Variants in FAM20A observed in about 807,000 individuals in gnomAD.
FAM20A encodes FAM20A golgi associated secretory pathway pseudokinase, also known as pseudokinase FAM20A.
In FAM20A, 42 loss-of-function variants were observed where a neutral mutation model predicts 52.0. The observed-to-expected ratio is 0.81, with a 90% CI of 0.63 to 1.04. The LOEUF (loss-of-function observed/expected upper bound fraction) is 1.04, where lower values mean the gene tolerates loss of function less well. Ranked by LOEUF, FAM20A falls within the 50% of genes least tolerant of loss-of-function variation. FAM20A has a pLI of 0.00. For missense variants in FAM20A, 742 were observed against 712.7 expected (o/e 1.04, Z -0.47); for synonymous variants, 304 against 298.9 (o/e 1.02, Z -0.18).
At chr17:68,561,845 CAG>C (rs1444768403) in intron 1 of FAM20A, among the ~76,000 whole-genome samples, 11 of 151,988 alleles carry the variant, frequency 7.2e-5, no homozygotes, top group Non-Finnish European at 1.3e-4. Flanking sequence ...TTTTTTGAGA[CAG>C]AGTCTCCCTC....
At chr17:68,581,374 C>CTT (rs1176766969) in intron 1 of FAM20A, among the ~76,000 whole-genome samples, 1 of 141,916 alleles carries the variant, frequency 7.0e-6, no homozygotes, top group Non-Finnish European at 1.5e-5. Context: ...TTCTTTCTTT[C>CTT]TTTCTTTCTT....
chr17:68,582,389 C>A (rs1317840556), intron 1 of FAM20A: 1 of 152,226 alleles, frequency 6.6e-6, no homozygotes, highest in African/African-American at 2.4e-5. Flanking sequence ...TCGCTAGAAG[C>A]ATGAGAGGCA....
rs549811526 is a variant in FAM20A, at chr17:68,555,533, C to G, written c.589+26G>C. On this transcript the variant is annotated intron_variant, in intron 2 of 10. Transcript: ENST00000592554. ...GACTCTCTGGGAGAAAGTCAGTCCC[C>G]CCTTGCTTGATCCCATGAACCTTAC... 2.9e-5 allele frequency: 47 copies of G among 1,611,640 alleles called. No homozygotes were observed. The Admixed American group carries it at 6.0e-4, about 21-fold the overall frequency.
rs948308864 is a variant in FAM20A at position 68,536,734 on chromosome 17, C to T, written c.*743G>A. 1.8e-5 allele frequency: 8 copies of T among 452,562 alleles called. No individual in the cohort carries two copies. The East Asian group carries it at 4.9e-4, about 28-fold the overall frequency. 28.0% of individuals were successfully genotyped at this position (452,562 alleles called of 1,614,324 possible). On this transcript the variant is annotated 3_prime_UTR_variant, in exon 11 of 11. Coordinates refer to ENST00000592554, the MANE Select transcript of FAM20A (RefSeq NM_017565.4). ...GCCATCCTGACCTTGGAGGACTTTCCTTTTTTTTTCCTTCGTTGTAATTAT... is the reference window on the plus strand; with the variant it reads ...GCCATCCTGACCTTGGAGGACTTTCTTTTTTTTTTCCTTCGTTGTAATTAT...
At chr17:68,567,101 T>G (rs2087397492) in intron 1 of FAM20A, among the ~76,000 whole-genome samples, 1 of 151,682 alleles carries the variant, frequency 6.6e-6, no homozygotes, top group African/African-American at 2.4e-5. Flanking sequence ...ATAAATTTTT[T>G]CTTCCAGCTC....
At chr17:68,553,793 C>T (rs1164757805) in intron 3 of FAM20A, among the ~76,000 whole-genome samples, 2 of 103,610 alleles carry the variant, frequency 1.9e-5, no homozygotes, top group Non-Finnish European at 4.3e-5. Flanking sequence ...CATGTATACA[C>T]ATACATATAT....
intron 8 of FAM20A, among the ~76,000 whole-genome samples, chr17:68,540,322 G>A (rs1414411200): frequency 1.3e-5 from 2 of 152,178 alleles, no homozygotes; most frequent in Non-Finnish European, 2.9e-5. Flanking sequence ...AGCTGATCCT[G>A]GTTATAGTAA....
In FAM20A at chr17:68,590,752, C is replaced by T. The variant is rs2088280935; in HGVS notation, c.404+9511G>A. Among the ~76,000 whole-genome samples the T allele has an allele frequency of 7.2e-5, 11 of 152,286 alleles. No homozygotes were observed. In the South Asian group the frequency reaches 1.0e-3, roughly 14 times the overall value. ...ACCATGTTAGTCACTAAAGCCCCTC[C>T]ACCACCCTGTCAGTCTGCATTTCCA... is the stretch of plus-strand genomic sequence containing the variant. On this transcript the variant is annotated intron_variant, in intron 1 of 10. Coordinates refer to ENST00000592554, the MANE Select transcript of FAM20A (RefSeq NM_017565.4).
At chr17:68,548,658 T>C (rs1379879351) in intron 4 of FAM20A, among the ~76,000 whole-genome samples, 2 of 151,950 alleles carry the variant, frequency 1.3e-5, no homozygotes, top group African/African-American at 4.8e-5. Flanking sequence ...GCCTTCACTT[T>C]GTAAAAAACC....
chr17:68,595,375 C>G (rs1310761226), intron 1 of FAM20A, among the ~76,000 whole-genome samples: 1 of 152,204 alleles, frequency 6.6e-6, no homozygotes, highest in Non-Finnish European at 1.5e-5. Context: ...GAGAAAAAAC[C>G]TGATAATGGC....
Position 68,543,797 on chromosome 17 carries a change from C to A in FAM20A, c.720-76G>T. Reference sequence around the variant, plus strand: ...CTGAGAAGAGAGCTGATGAGCATGACCAGCGAGAAAGGAAAACGGGCTTTT... The same window carrying A: ...CTGAGAAGAGAGCTGATGAGCATGAACAGCGAGAAAGGAAAACGGGCTTTT... On this transcript the variant is annotated intron_variant, in intron 4 of 10. Coordinates refer to ENST00000592554, the MANE Select transcript of FAM20A (RefSeq NM_017565.4). The A allele has an allele frequency of 1.5e-6, 2 of 1,293,220 alleles. 1 individual carries two copies. The highest frequency in any genetic ancestry group is 2.4e-5 in the South Asian group (2 of 84,592). The allele number at this position is 1,293,220 out of a possible 1,614,324, so 80.1% of individuals were successfully genotyped here.
At chr17:68,554,695 AG>A in intron 3 of FAM20A, 81 bp downstream of exon 3, 2 of 1,265,676 alleles carry the variant, frequency 1.6e-6, no homozygotes, top group East Asian at 5.8e-5. Context: ...CTCTTGCCCA[AG>A]GTCGCCACTG....
intron 1 of FAM20A, among the ~76,000 whole-genome samples, chr17:68,561,894 C>T (rs2087225075): frequency 6.6e-6 from 1 of 152,148 alleles, no homozygotes; most frequent in South Asian, 2.1e-4. Flanking sequence ...ATGATCTTGG[C>T]TCACTGCAAC....
Position 68,551,688 on chromosome 17 carries a change from A to AATT in FAM20A, c.719+182_719+184dup, listed in dbSNP as rs34824326. Among the ~76,000 whole-genome samples the AATT allele has an allele frequency of 0.27, 36,391 of 134,550 alleles. 5,024 individuals carry two copies. Among genetic ancestry groups the AATT allele is most frequent in the Admixed American group, 0.39 (5,338 of 13,598 alleles). The allele number at this position is 134,550 out of a possible 152,430, so 88.3% of individuals were successfully genotyped here. A position where few individuals can be genotyped will look rare whatever the true frequency, so the allele number is the denominator to read the frequency against. On this transcript the variant is annotated intron_variant, in intron 4 of 10. Transcript: ENST00000592554. Reference sequence around the variant, plus strand: ...AAAAAGACAAGCTCTTAGTATTTTCAATTATTATTATTATTATTATTATTA... The same window carrying AATT: ...AAAAAGACAAGCTCTTAGTATTTTCAATTATTATTATTATTATTATTATTATTA...
chr17:68,537,542 C>G lies in FAM20A; in HGVS notation c.1561G>C (p.Val521Leu). Residue 521 changes from valine to leucine, a missense_variant, in exon 11 of 11, where the codon GTC becomes CTC. Transcript: ENST00000592554. The surrounding 1 kb of genome is among the most constrained non-coding windows in gnomAD (Gnocchi z 4.2). ...GCIVAHGQQS[V>L]IVDGPVEQLA... ...TGTTCCACTGGGCCGTCGACTATGA[C>G]ACTCTGCTGTCCATGGGCCACTATG... 6.2e-7 allele frequency: 1 copy of G among 1,613,776 alleles called. No individual in the cohort carries two copies. Among genetic ancestry groups the G allele is most frequent in the Non-Finnish European group, 8.5e-7 (1 of 1,179,832 alleles).
intron 1 of FAM20A, among the ~76,000 whole-genome samples, chr17:68,578,472 A>G (rs2087836653): frequency 6.6e-6 from 1 of 152,210 alleles, no homozygotes; most frequent in Admixed American, 6.5e-5. Flanking sequence ...GAATGATAGC[A>G]AATGTTGGCC....
At chr17:68,591,801 G>C (rs1313644257) in intron 1 of FAM20A, 1 of 152,278 alleles carries the variant, frequency 6.6e-6, no homozygotes, top group South Asian at 2.1e-4. Context: ...GGCCTCTCCT[G>C]TTCCTGTGTG....
chr17:68,555,677 G>C lies in FAM20A; in HGVS notation c.471C>G (p.Leu157=). The C allele has an allele frequency of 6.2e-7, 1 of 1,613,874 alleles. No homozygotes were observed. The highest frequency in any genetic ancestry group is 8.5e-7 in the Non-Finnish European group (1 of 1,180,030). ...TSLDPPLQLR[L]EASWVQFHLG... ...GGTGGAACTGGACCCAGCTGGCCTC[G>C]AGTCGGAGCTGCAGTGGGGGGTCCA... The change falls in exon 2 of 11, where the codon CTC becomes CTG. Residue 157 remains leucine (L), a synonymous_variant. Transcript: ENST00000592554.
At position 68,561,823 on chromosome 17, in the gene FAM20A, C is replaced by A. The variant is rs562191796; in HGVS notation, c.405-6080G>T. Among the ~76,000 whole-genome samples the A allele has an allele frequency of 1.7e-4, 26 of 151,922 alleles. 1 individual carries two copies. In the South Asian group the frequency reaches 5.4e-3, roughly 32 times the overall value. ...ACATTTCTTTCTTTCTTTTTTCTTT[C>A]TTTCTGTTTTATTTTTTGAGACAGA... On this transcript the variant is annotated intron_variant, in intron 1 of 10. Transcript: ENST00000592554.
Sources: allele counts gnomAD v4.1 joint callset (sites outside exome capture counted in the v4.1 genomes callset), GRCh38; gene constraint gnomAD v4.1.1; non-coding constraint Gnocchi (gnomAD v3.1); transcripts MANE v1.5; gene names NCBI Gene and HGNC (gene_info 2026-07-23, HGNC 2026-07-21).